CRYL1: variants seen among roughly 807,000 people sequenced by gnomAD.
CRYL1 encodes crystallin lambda 1.
In CRYL1, 29 loss-of-function variants were observed where a neutral mutation model predicts 36.6. The observed-to-expected ratio is 0.79, with a 90% confidence interval of 0.59 to 1.08. The LOEUF (loss-of-function observed/expected upper bound fraction) is 1.08. CRYL1 is among the 50% of genes least tolerant of loss of function. The pLI is 0.00. For synonymous variants in CRYL1, 152 were observed against 151.5 expected, an observed-to-expected ratio of 1.00 and a Z score of -0.02; for missense variants, 411 against 407.9, an observed-to-expected ratio of 1.01 and a Z score of -0.06.
chr13:20,412,386 C>T (rs985322413), intron 6 of CRYL1, among the ~76,000 whole-genome samples: 1 of 152,022 alleles, frequency 6.6e-6, no homozygotes, highest in South Asian at 2.1e-4. Context: ...TTTTCTCTTT[C>T]TATATGTTTT....
At chr13:20,489,279 C>T in intron 3 of CRYL1, 91 bp downstream of exon 3, 1 of 1,502,980 alleles carries the variant, frequency 6.7e-7, no homozygotes, top group East Asian at 2.3e-5. Flanking sequence ...CCCACACCTG[C>T]CACTGCTCTG....
At chr13:20,426,973 A>G in intron 5 of CRYL1, 1 of 981,896 alleles carries the variant, frequency 1.0e-6, no homozygotes, top group South Asian at 4.7e-5. Flanking sequence ...TCCGAAGCTC[A>G]TCACCACCAA....
At chr13:20,421,371 C>T (rs554293745) in intron 5 of CRYL1, among the ~76,000 whole-genome samples, 15 of 152,264 alleles carry the variant, frequency 9.9e-5, no homozygotes, top group Admixed American at 1.3e-4. Flanking sequence ...ATACAGTTTA[C>T]TACAATAAGT....
At chr13:20,447,343 T>C (rs964144168) in intron 3 of CRYL1, among the ~76,000 whole-genome samples, 4 of 152,124 alleles carry the variant, frequency 2.6e-5, no homozygotes, top group Admixed American at 6.5e-5. Flanking sequence ...TGAAAACTCA[T>C]AGTATTTGGG....
intron 3 of CRYL1, 135 bp from the exon 4 acceptor site, chr13:20,439,889 T>C (rs1470853652): frequency 2.6e-6 from 2 of 775,680 alleles, no homozygotes; most frequent in Non-Finnish European, 4.1e-6. Context: ...TCCCAAAATA[T>C]GGCAACTTGG....
chr13:20,484,063 G>A (rs879632957), intron 3 of CRYL1, among the ~76,000 whole-genome samples: 6 of 152,278 alleles, frequency 3.9e-5, no homozygotes, highest in Non-Finnish European at 8.8e-5. Context: ...TGATCTGCCC[G>A]CCTTGGCCTC....
chr13:20,434,612 C>A (rs998773297), intron 4 of CRYL1, among the ~76,000 whole-genome samples: 7 of 147,232 alleles, frequency 4.8e-5, no homozygotes, highest in Non-Finnish European at 3.0e-5. Context: ...CGCGCCCCCC[C>A]ACCCACACCC....
chr13:20,462,597 T>A (rs905295335), intron 3 of CRYL1, among the ~76,000 whole-genome samples: 4 of 150,760 alleles, frequency 2.7e-5, no homozygotes, highest in Non-Finnish European at 5.9e-5. Context: ...CAAGGAGAGA[T>A]CACAAGTTTC....
intron 3 of CRYL1, among the ~76,000 whole-genome samples, chr13:20,467,419 AT>A (rs1448077530): frequency 6.6e-5 from 10 of 151,908 alleles, no homozygotes; most frequent in East Asian, 1.9e-4. Context: ...GTACTTGTGA[AT>A]TTTTTTTTCT....
chr13:20,512,514 G>T lies in CRYL1; in HGVS notation c.78C>A (p.Ala26=). Residue 26 remains alanine (A), a synonymous_variant, in exon 2 of 8, where the codon GCC becomes GCA. Transcript: ENST00000298248. ...AGAGTTTCACCTGGAAGCCTCCACT[G>T]GCAAACAGCATGGCCCAGCTTCGCC... ...VIGRSWAMLF[A]SGGFQVKLYD... 6.2e-7 allele frequency: 1 copy of T among 1,614,046 alleles called. No individual in the cohort carries two copies. Among genetic ancestry groups the T allele is most frequent in the Admixed American group, 1.7e-5 (1 of 60,014 alleles).
chr13:20,513,599 TG>T (rs1271305189), intron 1 of CRYL1: 1 of 152,242 alleles, frequency 6.6e-6, no homozygotes, highest in Non-Finnish European at 1.5e-5. Flanking sequence ...TGATAAGTTA[TG>T]GATCTATGAG....
intron 2 of CRYL1, among the ~76,000 whole-genome samples, chr13:20,504,363 G>A (rs561826297): frequency 3.0e-4 from 44 of 147,432 alleles, no homozygotes; most frequent in South Asian, 8.6e-4. Context: ...GAGTGCAGTG[G>A]TGCAATCTTG....
intron 3 of CRYL1, among the ~76,000 whole-genome samples, chr13:20,464,077 C>A (rs2032885339): frequency 6.6e-6 from 1 of 152,182 alleles, no homozygotes; most frequent in African/African-American, 2.4e-5. Context: ...GTTAATGTGT[C>A]AATCAGACCA....
At chr13:20,411,911 T>C (rs1248629746) in intron 6 of CRYL1, among the ~76,000 whole-genome samples, 1 of 152,206 alleles carries the variant, frequency 6.6e-6, no homozygotes, top group East Asian at 1.9e-4. Flanking sequence ...TGCAGGAACA[T>C]GTCTAGTAAA....
At position 20,525,647 on chromosome 13, in the gene CRYL1, G is replaced by A. The variant is rs2034177697; in HGVS notation, c.41+107C>T. On this transcript the variant is annotated intron_variant, in intron 1 of 7. Coordinates refer to ENST00000298248, the MANE Select transcript of CRYL1 (RefSeq NM_015974.3). This position sits in a 1 kb window ranked among gnomAD's most constrained non-coding sequence, Gnocchi z 4.3. ...GGGCTTCGGAGGACCGGAGGCCGGG[G>A]CGGGGACAGCGACCCGGCGCCCACC... is the stretch of plus-strand genomic sequence containing the variant. 3.3e-6 allele frequency: 3 copies of A among 918,626 alleles called. No homozygotes were observed. Among genetic ancestry groups the A allele is most frequent in the Admixed American group, 4.4e-5 (1 of 22,662 alleles). 56.9% of individuals were successfully genotyped at this position (918,626 alleles called of 1,614,324 possible). A position where few individuals can be genotyped will look rare whatever the true frequency, so the allele number is the denominator to read the frequency against.
chr13:20,507,735 A>T (rs182731875), intron 2 of CRYL1, among the ~76,000 whole-genome samples: 12 of 151,940 alleles, frequency 7.9e-5, no homozygotes, highest in Non-Finnish European at 1.6e-4. Context: ...TGGCTAACAC[A>T]GTGAAACCCC....
intron 6 of CRYL1, among the ~76,000 whole-genome samples, chr13:20,405,134 C>T (rs936639076): frequency 2.0e-4 from 31 of 152,216 alleles, no homozygotes; most frequent in African/African-American, 5.8e-4. Context: ...AGTCAGGTGG[C>T]GTGGCAGGTG....
chr13:20,460,232 C>A (rs886566182), intron 3 of CRYL1, among the ~76,000 whole-genome samples: 2 of 152,122 alleles, frequency 1.3e-5, no homozygotes, highest in African/African-American at 4.8e-5. Context: ...TTAATCCTTG[C>A]ACCACATTAC....
intron 2 of CRYL1, among the ~76,000 whole-genome samples, chr13:20,490,301 AG>A (rs1199250435): frequency 6.6e-6 from 1 of 152,190 alleles, no homozygotes; most frequent in African/African-American, 2.4e-5. Flanking sequence ...CTGAGGCAGG[AG>A]AATCGCTTGA....
Sources: allele counts gnomAD v4.1 joint callset (sites outside exome capture counted in the v4.1 genomes callset), GRCh38; gene constraint gnomAD v4.1.1; non-coding constraint Gnocchi (gnomAD v3.1); transcripts MANE v1.5; gene names NCBI Gene and HGNC (gene_info 2026-07-23, HGNC 2026-07-21).